DENND6A: variants seen among roughly 807,000 people sequenced by gnomAD.
DENND6A encodes the protein DENN domain containing 6A, also known as protein DENND6A.
DENND6A carries 43 observed loss-of-function variants against 95.5 expected under a neutral mutation model. The ratio of observed to expected loss-of-function variants is 0.45; its 90% CI spans 0.35 to 0.58. The LOEUF is 0.58. Among genes scored for constraint, DENND6A ranks in the 20% least tolerant of loss-of-function variants. DENND6A has a pLI of 0.00. For synonymous variants in DENND6A, 257 were observed against 260.4 expected, an observed-to-expected ratio of 0.99 and a Z score of 0.13; for missense variants, 574 against 736.0, an observed-to-expected ratio of 0.78 and a Z score of 2.55.
Position 57,659,184 on chromosome 3 carries a change from A to G in DENND6A, c.700-4T>C. On this transcript the variant is annotated splice_region_variant and splice_polypyrimidine_tract_variant and intron_variant, in intron 7 of 19. Coordinates refer to ENST00000311128, the MANE Select transcript of DENND6A (RefSeq NM_152678.3). ...CATGACATGTGGGAATCCGTACCTA[A>G]AAGAAAGACAGGAAATTATTTTTGG... 6.2e-7 allele frequency: 1 copy of G among 1,613,966 alleles called. No homozygotes were observed. The highest frequency in any genetic ancestry group is 8.5e-7 in the Non-Finnish European group (1 of 1,179,900).
chr3:57,679,851 C>T (rs995932697), intron 1 of DENND6A, among the ~76,000 whole-genome samples: 2 of 152,088 alleles, frequency 1.3e-5, no homozygotes, highest in African/African-American at 4.8e-5. Context: ...TCAGCCACTA[C>T]TGGTGAGGAA....
chr3:57,682,419 G>A (rs1346250174), intron 1 of DENND6A, among the ~76,000 whole-genome samples: 1 of 150,462 alleles, frequency 6.6e-6, no homozygotes. Flanking sequence ...AAGATGCTTT[G>A]AACTTTCCTG....
chr3:57,636,173 C>A (rs1245944108), intron 12 of DENND6A, among the ~76,000 whole-genome samples: 3 of 152,172 alleles, frequency 2.0e-5, no homozygotes, highest in African/African-American at 7.2e-5. Context: ...TTCTACTACA[C>A]AGGAAGTTGG....
At chr3:57,637,932 G>A (rs573237692) in intron 12 of DENND6A, among the ~76,000 whole-genome samples, 1 of 151,952 alleles carries the variant, frequency 6.6e-6, no homozygotes, top group East Asian at 1.9e-4. Context: ...TCAGGAATTC[G>A]AGACCAGCCT....
In DENND6A at chr3:57,625,957, C is replaced by T. The variant is rs758541645; in HGVS notation, c.*2257G>A. The T allele has an allele frequency of 3.9e-5, 6 of 152,544 alleles. No individual in the cohort carries two copies. Among genetic ancestry groups the T allele is most frequent in the Non-Finnish European group, 7.3e-5 (5 of 68,040 alleles). 9.4% of individuals were successfully genotyped at this position (152,544 alleles called of 1,614,324 possible). A position where few individuals can be genotyped will look rare whatever the true frequency, so the allele number is the denominator to read the frequency against. ...ACAACTTACAAATTCTGGTCACAAA[C>T]TGTATATAAATTGTACAATTATTAA... On this transcript the variant is annotated 3_prime_UTR_variant, in exon 20 of 20. Transcript: ENST00000311128.
chr3:57,676,453 A>C (rs2071711617), intron 1 of DENND6A, among the ~76,000 whole-genome samples: 1 of 150,306 alleles, frequency 6.7e-6, no homozygotes, highest in Non-Finnish European at 1.5e-5. Context: ...CTAATCTTTT[A>C]ACAGTTAAAT....
intron 19 of DENND6A, 34 bp downstream of exon 19, chr3:57,628,777 G>T: frequency 1.9e-6 from 3 of 1,594,222 alleles, no homozygotes; most frequent in Non-Finnish European, 2.6e-6. Flanking sequence ...TCAAAGAAAA[G>T]TCAATTTAAT....
chr3:57,677,065 C>A (rs958288256), intron 1 of DENND6A, among the ~76,000 whole-genome samples: 1 of 152,186 alleles, frequency 6.6e-6, no homozygotes, highest in Non-Finnish European at 1.5e-5. Context: ...CTCAAGTGAT[C>A]CACCCGCCTT....
At chr3:57,636,936 C>CAAAAA (rs60350642) in intron 12 of DENND6A, among the ~76,000 whole-genome samples, 3 of 52,000 alleles carry the variant, frequency 5.8e-5, no homozygotes, top group African/African-American at 1.4e-4. Context: ...GACTCTGTCT[C>CAAAAA]AAAAAAAAAA....
chr3:57,631,085 T>G, intron 15 of DENND6A, 107 bp from the exon 16 acceptor site: 1 of 930,628 alleles, frequency 1.1e-6, no homozygotes, highest in Non-Finnish European at 1.7e-6. Context: ...GCCCTTTCAA[T>G]GGACAGCAAC....
At position 57,626,038 on chromosome 3, in the gene DENND6A, C is replaced by A. The variant is rs1343614331; in HGVS notation, c.*2176G>T. 1 of 152,534 alleles carries A rather than the reference C, an allele frequency of 6.6e-6. No individual in the cohort carries two copies. Among genetic ancestry groups the A allele is most frequent in the Non-Finnish European group, 1.5e-5 (1 of 68,018 alleles). The allele number at this position is 152,534 out of a possible 1,614,324, so 9.4% of individuals were successfully genotyped here. ...CCATTTATACCTAAATAAGGTTTCC[C>A]AGAAAGTTATGAAATACTTTTAGCA... On this transcript the variant is annotated 3_prime_UTR_variant, in exon 20 of 20. Transcript: ENST00000311128.
At chr3:57,649,626 G>A (rs1246930603) in intron 9 of DENND6A, among the ~76,000 whole-genome samples, 1 of 98,806 alleles carries the variant, frequency 1.0e-5, no homozygotes. Flanking sequence ...ATCAATCAAT[G>A]AGTGAAAAAA....
rs1235456687 is a variant in DENND6A at position 57,646,455 on chromosome 3, A to C, written c.819-17T>G. 1.3e-6 allele frequency: 2 copies of C among 1,598,008 alleles called. No homozygotes were observed. The highest frequency in any genetic ancestry group is 8.5e-7 in the Non-Finnish European group (1 of 1,174,742). ...CAGAAACACCTGAAAGGTGATGCAC[A>C]GTAGAAATACTTTTTAATGTAGCCA... is the stretch of plus-strand genomic sequence containing the variant. On this transcript the variant is annotated splice_polypyrimidine_tract_variant and intron_variant, in intron 9 of 19. Transcript: ENST00000311128.
chr3:57,672,705 C>T (rs547726361), intron 1 of DENND6A, among the ~76,000 whole-genome samples: 157 of 152,140 alleles, frequency 1.0e-3, no homozygotes, highest in African/African-American at 3.6e-3. Flanking sequence ...ATCACTTGAA[C>T]CCGGGAGACA....
rs1002131933 is a variant in DENND6A, at chr3:57,641,801, A to G, written c.1038-54T>C. 6.3e-6 allele frequency: 9 copies of G among 1,429,134 alleles called. No individual in the cohort carries two copies. In the Admixed American group the frequency reaches 9.2e-5, roughly 15 times the overall value. The allele number at this position is 1,429,134 out of a possible 1,614,324, so 88.5% of individuals were successfully genotyped here. On this transcript the variant is annotated intron_variant, in intron 11 of 19. Transcript: ENST00000311128. ...AAAAGGTGAGAAAAAGATGAATGCT[A>G]AATCAGTGAAGAATAGTTTACTTTT...
chr3:57,630,293 ATC>A, intron 18 of DENND6A, 126 bp downstream of exon 18: 1 of 755,358 alleles, frequency 1.3e-6, no homozygotes, highest in Middle Eastern at 3.8e-4. Context: ...ATAGCACATG[ATC>A]TAGAAAAGTT....
chr3:57,654,154 A>G (rs1308686243), intron 9 of DENND6A, among the ~76,000 whole-genome samples: 1 of 149,546 alleles, frequency 6.7e-6, no homozygotes, highest in Non-Finnish European at 1.5e-5. Context: ...ACGGGGTTTC[A>G]CCGTGTTAGC....
chr3:57,654,721 AGACCTT>A, intron 9 of DENND6A: 2 of 984,770 alleles, frequency 2.0e-6, no homozygotes, highest in Non-Finnish European at 2.4e-6. Context: ...TCCATGGAAT[AGACCTT>A]GACCTAGTGA....
Position 57,692,857 on chromosome 3 carries a change from G to C in DENND6A, c.162C>G (p.Arg54=), listed in dbSNP as rs369920662. 6.3e-7 allele frequency: 1 copy of C among 1,585,706 alleles called. No individual in the cohort carries two copies. Among genetic ancestry groups the C allele is most frequent in the Admixed American group, 1.7e-5 (1 of 57,232 alleles). The part of the protein sequence containing the change: ...EDDGRGRGLL[R]WDSFSAWLHC... Reference sequence around the variant, plus strand: ...GCAGCCAGGCGGAGAAGCTGTCCCAGCGCAGCAGGCCCCGGCCACGGCCAT... The same window carrying C: ...GCAGCCAGGCGGAGAAGCTGTCCCACCGCAGCAGGCCCCGGCCACGGCCAT... The change falls in exon 1 of 20, where the codon CGC becomes CGG. Residue 54 remains arginine (R), a synonymous_variant. Transcript: ENST00000311128.
Sources: allele counts gnomAD v4.1 joint callset (sites outside exome capture counted in the v4.1 genomes callset), GRCh38; gene constraint gnomAD v4.1.1; transcripts MANE v1.5; gene names NCBI Gene and HGNC (gene_info 2026-07-23, HGNC 2026-07-21).